The following UBE3D variants were observed in gnomAD, a reference collection of about 807,000 sequenced individuals.
UBE3D encodes E3 ubiquitin-protein ligase E3D.
Under a neutral mutation model 49.6 loss-of-function variants are expected in UBE3D, and 48 were observed. The ratio of observed to expected loss-of-function variants is 0.97; its 90% confidence interval spans 0.77 to 1.23. The LOEUF is 1.23. Among genes scored for constraint, UBE3D ranks in the 50% most tolerant of loss-of-function variants. The pLI, the probability that UBE3D is intolerant of heterozygous loss-of-function variation, is 0.00. For synonymous variants in UBE3D, 189 were observed against 174.2 expected (o/e 1.08, Z -0.67); for missense variants, 452 against 468.4 (o/e 0.96, Z 0.32).
intron 9 of UBE3D, among the ~76,000 whole-genome samples, chr6:82,908,083 C>CA (rs1205331917): frequency 1.3e-5 from 2 of 151,492 alleles, no homozygotes; most frequent in African/African-American, 4.8e-5. Context: ...GAGGTCGAGA[C>CA]AAAAAAGAGT....
chr6:83,024,656 T>A (rs1228829297), intron 5 of UBE3D, among the ~76,000 whole-genome samples: 1 of 152,046 alleles, frequency 6.6e-6, no homozygotes, highest in Non-Finnish European at 1.5e-5. Flanking sequence ...CCTGACCCCA[T>A]CCCCTACTCT....
downstream of UBE3D, among the ~76,000 whole-genome samples, chr6:82,887,503 G>A (rs952155437): frequency 1.3e-5 from 2 of 149,894 alleles, no homozygotes; most frequent in African/African-American, 4.9e-5. Flanking sequence ...GAGGTCAGGC[G>A]CTCGAGACCA....
In UBE3D at chr6:83,021,738, G is replaced by A. The variant is rs138861365; in HGVS notation, c.846+715C>T. ...AAAAAAATTAGCCGGGCGTGGTGGC[G>A]GGCGCCTGTAGTCCCACCTACTCGG... On this transcript the variant is annotated intron_variant, in intron 7 of 9. Coordinates refer to ENST00000369747, the MANE Select transcript of UBE3D (RefSeq NM_198920.3). Among the ~76,000 whole-genome samples the A allele has an allele frequency of 1.8e-3, 270 of 151,900 alleles. 3 individuals carry two copies. Among genetic ancestry groups the A allele is most frequent in the East Asian group, 0.017 (86 of 5,096 alleles).
the UBE3D span, among the ~76,000 whole-genome samples, chr6:82,883,370 T>C: frequency 1.3e-5 from 2 of 152,122 alleles, no homozygotes; most frequent in African/African-American, 4.8e-5. Flanking sequence ...ACCCAACTTC[T>C]CTAGTTTTCC....
rs140105621 is a variant in UBE3D, at chr6:82,949,627, T to C, written c.1149+7685A>G. Among the ~76,000 whole-genome samples the C allele has an allele frequency of 5.6e-3, 854 of 152,138 alleles. 2 individuals are homozygous for C. The highest frequency in any genetic ancestry group is 9.8e-3 in the Non-Finnish European group (664 of 67,964). ...CACTTCAAATTATACTACAAAGCTA[T>C]AGTAACCAAAATAGCATGGTACTGG... is the stretch of plus-strand genomic sequence containing the variant. On this transcript the variant is annotated intron_variant, in intron 9 of 9. Coordinates refer to ENST00000369747, the MANE Select transcript of UBE3D (RefSeq NM_198920.3).
intron 9 of UBE3D, among the ~76,000 whole-genome samples, chr6:82,912,583 T>TA (rs1311609710): frequency 6.6e-6 from 1 of 152,182 alleles, no homozygotes; most frequent in South Asian, 2.1e-4. Context: ...AAGCGGAATA[T>TA]AAAAGACCTA....
chr6:82,916,545 A>G (rs547852646), intron 9 of UBE3D, among the ~76,000 whole-genome samples: 119 of 152,360 alleles, frequency 7.8e-4, no homozygotes, highest in African/African-American at 2.7e-3. Flanking sequence ...TTTAGCTTCA[A>G]TAAATGAAAT....
chr6:82,887,753 T>G (rs1770915645), downstream of UBE3D, among the ~76,000 whole-genome samples: 1 of 151,980 alleles, frequency 6.6e-6, no homozygotes, highest in African/African-American at 2.4e-5. Context: ...GATGGTATAC[T>G]TTCTGAGTCC....
intron 7 of UBE3D, 37 bp from the exon 8 acceptor site, chr6:83,019,173 T>C (rs774214475): frequency 6.3e-7 from 1 of 1,577,996 alleles, no homozygotes; most frequent in East Asian, 2.2e-5. Context: ...TATAAGAATA[T>C]TGTCACCTTA....
At position 83,029,230 on chromosome 6, in the gene UBE3D, G is replaced by T. The variant is rs577529137; in HGVS notation, c.668-5192C>A. On this transcript the variant is annotated intron_variant, in intron 5 of 9. Transcript: ENST00000369747. ...CTTTCAATTTCTCTTCATTATTTGA[G>T]ACCCTATTTACACATTTGTTGGAAC... Among the ~76,000 whole-genome samples the T allele has an allele frequency of 5.9e-5, 9 of 152,096 alleles. No individual in the cohort carries two copies. In the South Asian group the frequency reaches 1.9e-3, roughly 32 times the overall value.
intron 1 of UBE3D, among the ~76,000 whole-genome samples, chr6:83,065,122 G>C (rs1375245002): frequency 6.6e-6 from 1 of 152,206 alleles, no homozygotes; most frequent in African/African-American, 2.4e-5. Context: ...ACCTGTCTTA[G>C]TGGTTCACTA....
intron 9 of UBE3D, among the ~76,000 whole-genome samples, chr6:82,906,170 C>A (rs543351105): frequency 1.3e-5 from 2 of 152,190 alleles, no homozygotes; most frequent in African/African-American, 4.8e-5. Context: ...TTGTTCAAAT[C>A]AGAATCCAAA....
At chr6:82,953,896 A>C (rs1775973885) in intron 9 of UBE3D, among the ~76,000 whole-genome samples, 1 of 152,228 alleles carries the variant, frequency 6.6e-6, no homozygotes. Context: ...GGGATACCTG[A>C]ACTGAGACCT....
chr6:82,884,289 T>C, the UBE3D span, among the ~76,000 whole-genome samples: 1 of 152,118 alleles, frequency 6.6e-6, no homozygotes, highest in Middle Eastern at 3.2e-3. Flanking sequence ...TTTTGCTCCA[T>C]TGGAGGCTTC....
intron 9 of UBE3D, among the ~76,000 whole-genome samples, chr6:82,899,764 C>A (rs1234625131): frequency 6.6e-6 from 1 of 152,230 alleles, no homozygotes; most frequent in African/African-American, 2.4e-5. Context: ...CTACGGACAG[C>A]ATTGTTGGCA....
intron 9 of UBE3D, among the ~76,000 whole-genome samples, chr6:82,943,965 T>G (rs1236700994): frequency 6.6e-6 from 1 of 151,836 alleles, no homozygotes; most frequent in Non-Finnish European, 1.5e-5. Flanking sequence ...CCCATCCCAG[T>G]GGTGGGAACT....
chr6:83,004,090 T>C (rs1582610503), intron 8 of UBE3D, among the ~76,000 whole-genome samples: 1 of 152,180 alleles, frequency 6.6e-6, no homozygotes, highest in Non-Finnish European at 1.5e-5. Flanking sequence ...ACCACATTTG[T>C]ACCCATAAAT....
At chr6:83,052,602 A>C (rs1783543723) in intron 3 of UBE3D, among the ~76,000 whole-genome samples, 2 of 152,188 alleles carry the variant, frequency 1.3e-5, no homozygotes, top group African/African-American at 4.8e-5. Context: ...GGGGCTGCAC[A>C]TTGATCACCA....
Position 82,892,946 on chromosome 6 carries a change from T to G in UBE3D, c.*76A>C. 2.6e-6 allele frequency: 4 copies of G among 1,547,536 alleles called. No homozygotes were observed. The highest frequency in any genetic ancestry group is 3.6e-6 in the Non-Finnish European group (4 of 1,120,284). On this transcript the variant is annotated 3_prime_UTR_variant, in exon 10 of 10. Transcript: ENST00000369747. ...TCTTGTCTTTGTAATTGATGCCTCC[T>G]GAGCTGACTGCTGGCCTCGGTGTGC...
Sources: gnomAD v4.1 joint callset for allele counts (sites outside exome capture counted in the v4.1 genomes callset) on GRCh38, gnomAD v4.1.1 for gene constraint, MANE v1.5 for transcripts, NCBI Gene and HGNC (gene_info 2026-07-23, HGNC 2026-07-21) for gene names.